The following CDH13 variants were observed in gnomAD, a reference collection of about 807,000 sequenced individuals.
CDH13 encodes the protein cadherin 13, also known as cadherin-13.
Under a neutral mutation model 63.8 loss-of-function variants are expected in CDH13, and 24 were observed. The observed-to-expected ratio is 0.38, with a 90% CI of 0.27 to 0.53. The LOEUF is 0.53. CDH13 is among the 20% of genes least tolerant of loss of function. The pLI is 0.85. For missense variants in CDH13, 1,049 were observed against 903.1 expected (o/e 1.16, Z -2.07); for synonymous variants, 503 against 355.3 (o/e 1.42, Z -4.67).
At chr16:82,752,650 G>T (rs563883298) in intron 1 of CDH13, among the ~76,000 whole-genome samples, 1 of 152,338 alleles carries the variant, frequency 6.6e-6, no homozygotes, top group African/African-American at 2.4e-5. Flanking sequence ...GGGAATTCCT[G>T]GGAGGATGCA....
At chr16:83,296,861 C>T (rs893379762) in intron 5 of CDH13, among the ~76,000 whole-genome samples, 5 of 152,156 alleles carry the variant, frequency 3.3e-5, no homozygotes, top group Admixed American at 2.6e-4. Flanking sequence ...AGAAAGGGTG[C>T]TCTGTGTTTC....
chr16:83,014,743 A>AATATATATATAT (rs71146101), intron 2 of CDH13, among the ~76,000 whole-genome samples: 2 of 33,230 alleles, frequency 6.0e-5, no homozygotes, highest in African/African-American at 1.2e-4. Context: ...AAAAAAAAAA[A>AATATATATATAT]ATATATATAT....
At chr16:83,689,328 A>G (rs924963818) in intron 10 of CDH13, among the ~76,000 whole-genome samples, 2 of 152,168 alleles carry the variant, frequency 1.3e-5, no homozygotes, top group Non-Finnish European at 2.9e-5. Flanking sequence ...AAGGATTGCT[A>G]TATAAGCTAC....
intron 1 of CDH13, among the ~76,000 whole-genome samples, chr16:82,727,079 G>A (rs567212373): frequency 4.7e-4 from 72 of 152,288 alleles, no homozygotes; most frequent in African/African-American, 1.6e-3. Flanking sequence ...CATTTGGCAA[G>A]GGGATGAGGG....
At chr16:82,982,499 C>A (rs1346495615) in intron 2 of CDH13, among the ~76,000 whole-genome samples, 1 of 152,264 alleles carries the variant, frequency 6.6e-6, no homozygotes, top group East Asian at 1.9e-4. Context: ...TTCCTGTATC[C>A]CTTGGCTTAG....
At chr16:83,534,881 C>T (rs1473608789) in intron 7 of CDH13, among the ~76,000 whole-genome samples, 1 of 152,188 alleles carries the variant, frequency 6.6e-6, no homozygotes, top group African/African-American at 2.4e-5. Flanking sequence ...TGATAATGAT[C>T]AAGGATTTCT....
chr16:83,553,035 C>T (rs543399625), intron 7 of CDH13, among the ~76,000 whole-genome samples: 1 of 149,926 alleles, frequency 6.7e-6, no homozygotes, highest in Admixed American at 6.7e-5. Context: ...GCTGAGATCG[C>T]GTCACTGCAC....
intron 1 of CDH13, among the ~76,000 whole-genome samples, chr16:82,698,237 T>G (rs2030568735): frequency 6.6e-6 from 1 of 152,198 alleles, no homozygotes; most frequent in Admixed American, 6.5e-5. Context: ...TTCTGCCAGG[T>G]TGGAAGAGTC....
At chr16:83,038,372 G>C (rs1035633139) in intron 3 of CDH13, among the ~76,000 whole-genome samples, 4 of 152,174 alleles carry the variant, frequency 2.6e-5, no homozygotes, top group African/African-American at 9.7e-5. Context: ...GGGCTTCCCA[G>C]AATCTAGTAC....
At chr16:83,524,047 G>A (rs1163516587) in intron 7 of CDH13, among the ~76,000 whole-genome samples, 1 of 152,158 alleles carries the variant, frequency 6.6e-6, no homozygotes, top group Admixed American at 6.5e-5. Context: ...CCACCCACAG[G>A]AGATGAGCTT....
intron 6 of CDH13, among the ~76,000 whole-genome samples, chr16:83,400,972 G>A (rs1163076254): frequency 1.4e-5 from 2 of 147,938 alleles, no homozygotes; most frequent in Non-Finnish European, 3.0e-5. Flanking sequence ...GGCAGACGGA[G>A]GTGAAGGGAT....
intron 3 of CDH13, among the ~76,000 whole-genome samples, chr16:83,118,290 C>T (rs757968892): frequency 5.9e-5 from 9 of 152,158 alleles, no homozygotes; most frequent in African/African-American, 2.2e-4. Context: ...ACTGGAAGTG[C>T]GAAGACGTGT....
At chr16:83,713,816 T>A (rs974489016) in intron 10 of CDH13, among the ~76,000 whole-genome samples, 3 of 152,232 alleles carry the variant, frequency 2.0e-5, no homozygotes, top group African/African-American at 7.2e-5. Flanking sequence ...CAGCCCTGCA[T>A]GTGCCGTCAG....
At chr16:83,140,951 C>A (rs935321283) in intron 4 of CDH13, among the ~76,000 whole-genome samples, 1 of 152,206 alleles carries the variant, frequency 6.6e-6, no homozygotes, top group Non-Finnish European at 1.5e-5. Flanking sequence ...TTATCTTGGT[C>A]TATTGATGCA....
chr16:83,474,700 AGC>A (rs2073556197), intron 6 of CDH13, among the ~76,000 whole-genome samples: 6 of 152,330 alleles, frequency 3.9e-5, no homozygotes, highest in African/African-American at 1.2e-4. Context: ...TGGTGTCCAA[AGC>A]AAGGTCAAGA....
chr16:83,076,471 T>C (rs994194786), intron 3 of CDH13, among the ~76,000 whole-genome samples: 1 of 152,200 alleles, frequency 6.6e-6, no homozygotes, highest in African/African-American at 2.4e-5. Flanking sequence ...TGACATTTCA[T>C]AAAATCATTT....
intron 6 of CDH13, among the ~76,000 whole-genome samples, chr16:83,368,421 C>T (rs775490375): frequency 6.6e-6 from 1 of 152,212 alleles, no homozygotes; most frequent in African/African-American, 2.4e-5. Flanking sequence ...GCATTTTCCC[C>T]TCTTCAACTG....
chr16:83,152,612 A>T (rs367558563), intron 4 of CDH13, among the ~76,000 whole-genome samples: 87 of 152,302 alleles, frequency 5.7e-4, no homozygotes, highest in African/African-American at 2.0e-3. Context: ...CCAATCTGGG[A>T]CAGGTTTCAG....
intron 1 of CDH13, among the ~76,000 whole-genome samples, chr16:82,683,906 T>A (rs1914804261): frequency 6.6e-6 from 1 of 152,254 alleles, no homozygotes; most frequent in Non-Finnish European, 1.5e-5. Flanking sequence ...AATTGTGCGC[T>A]TTTTATTCTT....
Sources: gnomAD v4.1 joint callset for allele counts (sites outside exome capture counted in the v4.1 genomes callset) on GRCh38, gnomAD v4.1.1 for gene constraint, MANE v1.5 for transcripts, NCBI Gene and HGNC (gene_info 2026-07-23, HGNC 2026-07-21) for gene names.